Variants in NFAT5 observed in about 807,000 individuals in gnomAD.
The protein encoded by NFAT5 is nuclear factor of activated T-cells 5.
NFAT5 carries 31 observed loss-of-function variants against 166.5 expected under a neutral mutation model. The observed-to-expected ratio is 0.19, with a 90% CI of 0.14 to 0.25. The LOEUF (loss-of-function observed/expected upper bound fraction) is 0.25. NFAT5 is among the 10% of genes least tolerant of loss of function. The pLI is 1.00. For synonymous variants in NFAT5, 612 were observed against 639.7 expected, an observed-to-expected ratio of 0.96 and a Z score of 0.65; for missense variants, 1,449 against 1,821.8, an observed-to-expected ratio of 0.80 and a Z score of 3.72.
chr16:69,578,001 T>A (rs28674152), intron 2 of NFAT5, among the ~76,000 whole-genome samples: 1 of 148,514 alleles, frequency 6.7e-6, no homozygotes, highest in African/African-American at 2.5e-5. Flanking sequence ...AAAAAAAAAA[T>A]TTTTTTTTTT....
chr16:69,589,255 A>G (rs757171313), intron 2 of NFAT5, among the ~76,000 whole-genome samples: 1 of 151,974 alleles, frequency 6.6e-6, no homozygotes, highest in Non-Finnish European at 1.5e-5. Context: ...CAGCCTCCCA[A>G]AGTGCTGGGA....
At chr16:69,649,687 C>A in intron 4 of NFAT5, 1 of 413,180 alleles carries the variant, frequency 2.4e-6, no homozygotes, top group Non-Finnish European at 3.3e-6. Context: ...GAAAAATCGG[C>A]CTTAAAAATA....
At chr16:69,590,221 C>T (rs754811095) in intron 2 of NFAT5, among the ~76,000 whole-genome samples, 2 of 152,026 alleles carry the variant, frequency 1.3e-5, no homozygotes, top group African/African-American at 4.8e-5. Flanking sequence ...AGTTGTGGGT[C>T]GTCTGAGTAC....
intron 3 of NFAT5, chr16:69,644,830 T>C: frequency 2.2e-6 from 1 of 455,460 alleles, no homozygotes; most frequent in Non-Finnish European, 4.4e-6. Context: ...TGCATTCTCA[T>C]GTGCATGATC....
chr16:69,577,809 G>A (rs934494202), intron 2 of NFAT5, among the ~76,000 whole-genome samples: 2 of 152,016 alleles, frequency 1.3e-5, no homozygotes, highest in Admixed American at 6.6e-5. Context: ...TATATATTCT[G>A]CCACTGCACT....
chr16:69,587,499 C>T (rs928159940), intron 2 of NFAT5, among the ~76,000 whole-genome samples: 2 of 151,934 alleles, frequency 1.3e-5, no homozygotes, highest in African/African-American at 4.8e-5. Context: ...AATCAGTTCT[C>T]CTACCTTAGC....
intron 2 of NFAT5, among the ~76,000 whole-genome samples, chr16:69,626,127 A>C (rs1026120135): frequency 4.0e-5 from 6 of 151,386 alleles, no homozygotes; most frequent in Non-Finnish European, 7.4e-5. Context: ...AAAAAAAAAA[A>C]ACCTTTTGTA....
At chr16:69,571,388 C>G (rs1350408642) in intron 2 of NFAT5, among the ~76,000 whole-genome samples, 2 of 152,020 alleles carry the variant, frequency 1.3e-5, no homozygotes, top group Non-Finnish European at 2.9e-5. Context: ...TTATTATTAT[C>G]CTACTTTAGA....
intron 2 of NFAT5, among the ~76,000 whole-genome samples, chr16:69,605,256 A>G (rs2033343588): frequency 6.6e-6 from 1 of 152,196 alleles, no homozygotes; most frequent in South Asian, 2.1e-4. Flanking sequence ...CCTGGCCAAC[A>G]TGGTGAAACC....
At chr16:69,655,164 A>C (rs764233018) in intron 5 of NFAT5, among the ~76,000 whole-genome samples, 3 of 152,068 alleles carry the variant, frequency 2.0e-5, no homozygotes, top group Non-Finnish European at 4.4e-5. Flanking sequence ...ATATAGCTGC[A>C]CTCATACTTT....
intron 3 of NFAT5, among the ~76,000 whole-genome samples, chr16:69,634,726 TTTTA>T (rs1597442701): frequency 6.6e-6 from 1 of 152,150 alleles, no homozygotes; most frequent in African/African-American, 2.4e-5. Context: ...ATGTACATAG[TTTTA>T]TTTATTTGTT....
intron 2 of NFAT5, among the ~76,000 whole-genome samples, chr16:69,604,737 G>A (rs922493897): frequency 3.3e-5 from 5 of 152,054 alleles, no homozygotes; most frequent in Non-Finnish European, 4.4e-5. Flanking sequence ...TCCCCTGCCC[G>A]CCATGAGCCC....
chr16:69,675,391 G>A (rs2036792143), intron 9 of NFAT5, among the ~76,000 whole-genome samples: 1 of 152,168 alleles, frequency 6.6e-6, no homozygotes. Flanking sequence ...TAGTTGTAGT[G>A]TTTAAACAAC....
chr16:69,693,887 T>G lies in NFAT5; in HGVS notation c.4062T>G (p.Leu1354=). Residue 1354 remains leucine (L), a synonymous_variant, in exon 13 of 15, where the codon CTT becomes CTG. Coordinates refer to ENST00000349945, the MANE Select transcript of NFAT5 (RefSeq NM_138713.4). ...AGAGTCAGTCCACAGTTTCCTCACT[T>G]CAGAACCCAGGTCCTACCCAGTCGG... is the stretch of plus-strand genomic sequence containing the variant. ...QFQSQSTVSS[L]QNPGPTQSES... 1 of 1,614,148 alleles carries G rather than the reference T, an allele frequency of 6.2e-7. No homozygotes were observed. Among genetic ancestry groups the G allele is most frequent in the Non-Finnish European group, 8.5e-7 (1 of 1,180,020 alleles).
intron 12 of NFAT5, 98 bp from the exon 13 acceptor site, chr16:69,691,651 C>A: frequency 1.1e-6 from 1 of 895,860 alleles, no homozygotes; most frequent in Non-Finnish European, 1.7e-6. Context: ...GAAAGCTGGT[C>A]CTGCATATAT....
chr16:69,587,761 C>G (rs1295547699), intron 2 of NFAT5, among the ~76,000 whole-genome samples: 1 of 152,020 alleles, frequency 6.6e-6, no homozygotes, highest in Non-Finnish European at 1.5e-5. Flanking sequence ...ATTATTGCCA[C>G]AGCTGACAAT....
chr16:69,683,436 G>T (rs967687536), intron 10 of NFAT5, among the ~76,000 whole-genome samples: 2 of 151,926 alleles, frequency 1.3e-5, no homozygotes, highest in Non-Finnish European at 2.9e-5. Context: ...GGAGGCTGAG[G>T]TGGGTGATGG....
rs759069495 is a variant in NFAT5, at chr16:69,568,374, GTGTATATATA to G, written c.74-119_74-110del. The stretch of plus-strand genomic sequence containing the variant: ...TGTGTGTGTGTGTGTGTGTGTGTGT[GTGTATATATA>G]TATATATATACACACACACACATTG... On this transcript the variant is annotated intron_variant, in intron 1 of 14. Transcript: ENST00000349945. The G allele has an allele frequency of 2.1e-3, 764 of 358,064 alleles. 1 individual carries two copies. Among genetic ancestry groups the G allele is most frequent in the Middle Eastern group, 4.0e-3 (5 of 1,260 alleles). 22.2% of individuals were successfully genotyped at this position (358,064 alleles called of 1,614,324 possible). A position where few individuals can be genotyped will look rare whatever the true frequency, so the allele number is the denominator to read the frequency against.
chr16:69,691,849 C>G lies in NFAT5; in HGVS notation c.2024C>G (p.Ser675Cys). Residue 675 changes from serine (S) to cysteine (C), a missense_variant, in exon 13 of 15, where the codon TCT becomes TGT. Coordinates refer to ENST00000349945, the MANE Select transcript of NFAT5 (RefSeq NM_138713.4). ...TCACCATCATCTTCCCACCTACCTT[C>G]TGAAAATGAAAAACAGCAGCAGATT... Reference protein sequence around the residue: ...FSSPSSSHLPSENEKQQQIQP... With the variant: ...FSSPSSSHLPCENEKQQQIQP... 6.2e-7 allele frequency: 1 copy of G among 1,614,150 alleles called. No homozygotes were observed. Among genetic ancestry groups the G allele is most frequent in the Non-Finnish European group, 8.5e-7 (1 of 1,180,010 alleles).
Sources: allele counts gnomAD v4.1 joint callset (sites outside exome capture counted in the v4.1 genomes callset), GRCh38; gene constraint gnomAD v4.1.1; transcripts MANE v1.5; gene names NCBI Gene and HGNC (gene_info 2026-07-23, HGNC 2026-07-21).